Variants in WWOX observed in about 807,000 individuals in gnomAD.
WWOX encodes the protein WW domain containing oxidoreductase, also known as WW domain-containing oxidoreductase.
Under a neutral mutation model 46.2 loss-of-function variants are expected in WWOX, and 69 were observed. The observed-to-expected ratio is 1.49, with a 90% confidence interval of 1.23 to 1.82. WWOX has a LOEUF of 1.82. WWOX is among the 40% of genes most tolerant of loss of function. WWOX has a pLI of 0.00. For synonymous variants in WWOX, 359 were observed against 202.6 expected, an observed-to-expected ratio of 1.77 and a Z score of -6.56; for missense variants, 919 against 542.6, an observed-to-expected ratio of 1.69 and a Z score of -6.89.
chr16:78,314,708 T>TTG (rs1555517897), intron 5 of WWOX, among the ~76,000 whole-genome samples: 35 of 74,336 alleles, frequency 4.7e-4, no homozygotes, highest in East Asian at 3.4e-3. Flanking sequence ...TTTGTTTTTT[T>TTG]TTTTTTTTTT....
At chr16:78,898,896 TTC>T (rs1447214065) in intron 8 of WWOX, 1 of 152,138 alleles carries the variant, frequency 6.6e-6, no homozygotes, top group Non-Finnish European at 1.5e-5. Flanking sequence ...ATTATAAAAT[TTC>T]TTTTTTCCAA....
At chr16:78,888,520 G>T (rs911367355) in intron 8 of WWOX, among the ~76,000 whole-genome samples, 1 of 152,138 alleles carries the variant, frequency 6.6e-6, no homozygotes, top group African/African-American at 2.4e-5. Context: ...CCTTTCTCAG[G>T]ATCCCAGCTT....
intron 8 of WWOX, among the ~76,000 whole-genome samples, chr16:78,706,171 C>G (rs1015462603): frequency 3.3e-5 from 5 of 151,282 alleles, no homozygotes; most frequent in Admixed American, 2.6e-4. Context: ...TATCAAGCCC[C>G]CTATTTAATA....
intron 8 of WWOX, among the ~76,000 whole-genome samples, chr16:79,040,220 T>G (rs141568519): frequency 2.0e-5 from 3 of 151,742 alleles, no homozygotes. Context: ...TCTTTGAACC[T>G]CAAAGAGCCA....
At chr16:78,170,901 C>T (rs1015124703) in intron 5 of WWOX, among the ~76,000 whole-genome samples, 3 of 152,154 alleles carry the variant, frequency 2.0e-5, no homozygotes, top group Non-Finnish European at 4.4e-5. Context: ...AGGGAGAGAG[C>T]GCATGCTCAG....
At chr16:78,719,973 T>C (rs2142349436) in intron 8 of WWOX, among the ~76,000 whole-genome samples, 1 of 152,330 alleles carries the variant, frequency 6.6e-6, no homozygotes, top group East Asian at 1.9e-4. Context: ...CTCAATTCAA[T>C]TTAAAGTGGA....
At position 78,360,585 on chromosome 16, in the gene WWOX, C is replaced by CAAAAAA. The variant is rs56382445; in HGVS notation, c.517-26266_517-26261dup. ...TGGGCGACAGAGTGAGACTCTGTCTCAAAAAAAAAAAAAAGTTGCAGAAAT... is the reference window on the plus strand; with the variant it reads ...TGGGCGACAGAGTGAGACTCTGTCTCAAAAAAAAAAAAAAAAAAAAGTTGCAGAAAT... On this transcript the variant is annotated intron_variant, in intron 5 of 8. Coordinates refer to ENST00000566780, the MANE Select transcript of WWOX (RefSeq NM_016373.4). 9.8e-4 allele frequency among the ~76,000 whole-genome samples: 85 copies of CAAAAAA among 86,522 alleles called. 3 individuals carry two copies. Among genetic ancestry groups the CAAAAAA allele is most frequent in the Middle Eastern group, 9.3e-3 (1 of 108 alleles). The allele number at this position is 86,522 out of a possible 152,430, so 56.8% of individuals were successfully genotyped here.
chr16:78,950,039 C>G (rs538805067), intron 8 of WWOX, among the ~76,000 whole-genome samples: 29 of 152,320 alleles, frequency 1.9e-4, no homozygotes, highest in African/African-American at 6.5e-4. Context: ...CTGTGCAGCT[C>G]TAGGTCTAGT....
chr16:78,967,458 G>GTTTTTTT (rs1171337117), intron 8 of WWOX, among the ~76,000 whole-genome samples: 1 of 91,444 alleles, frequency 1.1e-5, no homozygotes. Context: ...TAATTTTTGT[G>GTTTTTTT]GTTTTTTTTT....
chr16:79,050,530 G>A (rs1009497821), intron 8 of WWOX, among the ~76,000 whole-genome samples: 1 of 152,178 alleles, frequency 6.6e-6, no homozygotes, highest in African/African-American at 2.4e-5. Context: ...CTGAGCTCAC[G>A]GTTAGAGAGG....
intron 5 of WWOX, among the ~76,000 whole-genome samples, chr16:78,374,036 C>T (rs893638261): frequency 6.6e-6 from 1 of 152,262 alleles, no homozygotes; most frequent in Non-Finnish European, 1.5e-5. Context: ...GTCTGCCCGC[C>T]TTGGCCTCCC....
chr16:78,361,613 T>C lies in WWOX; in HGVS notation c.517-25247T>C, dbSNP rs1320794382. Among the ~76,000 whole-genome samples the C allele has an allele frequency of 2.0e-5, 3 of 152,084 alleles. 1 individual carries two copies. Among genetic ancestry groups the C allele is most frequent in the East Asian group, 1.9e-4 (1 of 5,184 alleles). ...ATCCCTTCTCCCCCATTTCTTTCTT[T>C]TCTTTTCTTTTTGTTGAGACAAAGT... On this transcript the variant is annotated intron_variant, in intron 5 of 8. Coordinates refer to ENST00000566780, the MANE Select transcript of WWOX (RefSeq NM_016373.4).
At chr16:78,909,124 A>G (rs975880440) in intron 8 of WWOX, among the ~76,000 whole-genome samples, 1 of 152,232 alleles carries the variant, frequency 6.6e-6, no homozygotes, top group South Asian at 2.1e-4. Context: ...GACAGCCTGG[A>G]GGTTAGAAGC....
At position 78,260,768 on chromosome 16, in the gene WWOX, G is replaced by A. The variant is rs7188039; in HGVS notation, c.516+96479G>A. Among the ~76,000 whole-genome samples, 1,203 of 149,354 alleles carry A rather than the reference G, an allele frequency of 8.1e-3. 35 individuals carry two copies. Among genetic ancestry groups the A allele is most frequent in the African/African-American group, 0.028 (1,139 of 40,288 alleles). On this transcript the variant is annotated intron_variant, in intron 5 of 8. Transcript: ENST00000566780. ...AGCCTGGGCAACATGGTGAAACCCC[G>A]TCTGTACCAAACATACAAAAATTAG...
chr16:78,307,748 C>A (rs1238545676), intron 5 of WWOX, among the ~76,000 whole-genome samples: 1 of 151,692 alleles, frequency 6.6e-6, no homozygotes, highest in Non-Finnish European at 1.5e-5. Context: ...CACCTGCCTC[C>A]CACATACTGG....
At chr16:79,177,895 T>C (rs540882391) in intron 8 of WWOX, among the ~76,000 whole-genome samples, 5 of 152,290 alleles carry the variant, frequency 3.3e-5, no homozygotes, top group Non-Finnish European at 7.4e-5. Flanking sequence ...ATAACAGAAA[T>C]GTAATTCTTA....
chr16:78,606,660 G>C (rs1276888418), intron 8 of WWOX, among the ~76,000 whole-genome samples: 1 of 149,046 alleles, frequency 6.7e-6, no homozygotes, highest in Non-Finnish European at 1.5e-5. Flanking sequence ...AACACATCCA[G>C]ACAAATGTGA....
intron 8 of WWOX, among the ~76,000 whole-genome samples, chr16:79,094,499 A>C (rs964935974): frequency 6.6e-6 from 1 of 151,906 alleles, no homozygotes; most frequent in Admixed American, 6.6e-5. Flanking sequence ...CAGTCTGCCC[A>C]CCTCGGCCTC....
At chr16:78,309,991 G>A (rs965737611) in intron 5 of WWOX, among the ~76,000 whole-genome samples, 10 of 152,172 alleles carry the variant, frequency 6.6e-5, no homozygotes, top group South Asian at 6.2e-4. Context: ...GCATTAATAC[G>A]CATTTAGTTA....
Sources: allele counts gnomAD v4.1 joint callset (sites outside exome capture counted in the v4.1 genomes callset), GRCh38; gene constraint gnomAD v4.1.1; transcripts MANE v1.5; gene names NCBI Gene and HGNC (gene_info 2026-07-23, HGNC 2026-07-21).